PLCB4: variants seen among roughly 807,000 people sequenced by gnomAD.
PLCB4 encodes the protein 1-phosphatidylinositol 4,5-bisphosphate phosphodiesterase beta-4.
A neutral mutation model predicts 178.8 loss-of-function variants in PLCB4; 77 were observed. That is an observed-to-expected ratio of 0.43 (90% CI 0.36 to 0.52). The LOEUF is 0.52. Ranked by LOEUF, PLCB4 falls within the 20% of genes least tolerant of loss-of-function variation. The probability of loss-of-function intolerance (pLI) is 0.00; values close to 1 mark genes in which losing one functional copy is unlikely to be tolerated. For missense variants in PLCB4, 1,024 were observed against 1,453.4 expected, an observed-to-expected ratio of 0.70 and a Z score of 4.80; for synonymous variants, 496 against 490.8, an observed-to-expected ratio of 1.01 and a Z score of -0.14.
chr20:9,357,826 G>A (rs1307361444), intron 7 of PLCB4, among the ~76,000 whole-genome samples: 2 of 152,124 alleles, frequency 1.3e-5, no homozygotes, highest in Non-Finnish European at 2.9e-5. Context: ...CCCATATATT[G>A]TATTTTGTTG....
At chr20:9,328,361 C>G (rs1272039350) in intron 4 of PLCB4, among the ~76,000 whole-genome samples, 6 of 152,126 alleles carry the variant, frequency 3.9e-5, no homozygotes, top group African/African-American at 1.4e-4. Flanking sequence ...AAAAAAAATT[C>G]TTACAGAATT....
At position 9,098,466 on chromosome 20, in the gene PLCB4, C is replaced by T. The variant is rs561370685; in HGVS notation, c.-79+2124C>T. Among the ~76,000 whole-genome samples the T allele has an allele frequency of 3.0e-3, 451 of 151,918 alleles. 3 individuals are homozygous for T. The highest frequency in any genetic ancestry group is 5.1e-3 in the Non-Finnish European group (346 of 67,964). Reference sequence around the variant, plus strand: ...AAAATCCCTCTTGGGAATAAAAACTCACATATCTGCAAGGTCGCCAGACAG... The same window carrying T: ...AAAATCCCTCTTGGGAATAAAAACTTACATATCTGCAAGGTCGCCAGACAG... On this transcript the variant is annotated intron_variant, in intron 2 of 39. Coordinates refer to ENST00000378473, the MANE Select transcript of PLCB4 (RefSeq NM_001377142.1).
intron 3 of PLCB4, among the ~76,000 whole-genome samples, chr20:9,221,544 C>T (rs765599630): frequency 6.6e-6 from 1 of 152,174 alleles, no homozygotes; most frequent in African/African-American, 2.4e-5. Context: ...CTCACTCCTG[C>T]GGGCACATTT....
Position 9,081,936 on chromosome 20 carries a change from A to C in PLCB4, c.-135+12730A>C, listed in dbSNP as rs2090168885. ...TTCTATATCCATTATTTCTGGTAAC[A>C]GAAATCCTGATATTGTAATCAGTAT... On this transcript the variant is annotated intron_variant, in intron 1 of 39. Coordinates refer to ENST00000378473, the MANE Select transcript of PLCB4 (RefSeq NM_001377142.1). Among the ~76,000 whole-genome samples, 8 of 151,970 alleles carry C rather than the reference A, an allele frequency of 5.3e-5. No homozygotes were observed. In the South Asian group the frequency reaches 1.7e-3, roughly 32 times the overall value.
chr20:9,180,021 G>A (rs112738371), intron 2 of PLCB4, among the ~76,000 whole-genome samples: 7 of 152,296 alleles, frequency 4.6e-5, no homozygotes, highest in African/African-American at 1.7e-4. Context: ...ACACAAGCAT[G>A]TGCTGTGCTT....
At chr20:9,264,783 C>G (rs1187590020) in intron 3 of PLCB4, among the ~76,000 whole-genome samples, 1 of 152,142 alleles carries the variant, frequency 6.6e-6, no homozygotes, top group Non-Finnish European at 1.5e-5. Context: ...TCCTAGGACC[C>G]ATCTCCAGAG....
chr20:9,407,031 A>G (rs1463470678), intron 21 of PLCB4, among the ~76,000 whole-genome samples: 2 of 152,206 alleles, frequency 1.3e-5, no homozygotes, highest in African/African-American at 4.8e-5. Context: ...GCAGCAAGTT[A>G]TTAGGTTACT....
At chr20:9,419,150 A>G (rs947454819) in intron 25 of PLCB4, among the ~76,000 whole-genome samples, 2 of 151,982 alleles carry the variant, frequency 1.3e-5, no homozygotes, top group Non-Finnish European at 2.9e-5. Flanking sequence ...GATGCCTTTT[A>G]ATTTGTTTTC....
intron 3 of PLCB4, 73 bp from the exon 4 acceptor site, chr20:9,307,727 A>T: frequency 1.6e-6 from 1 of 607,986 alleles, no homozygotes; most frequent in Non-Finnish European, 2.9e-6. Flanking sequence ...AAACACAGAA[A>T]TGCGAAGTGA....
At chr20:9,432,146 A>G (rs1275518197) in intron 28 of PLCB4, among the ~76,000 whole-genome samples, 6 of 152,248 alleles carry the variant, frequency 3.9e-5, no homozygotes, top group Non-Finnish European at 8.8e-5. Flanking sequence ...ATCAATGAAA[A>G]TGCAGGTTAT....
intron 3 of PLCB4, among the ~76,000 whole-genome samples, chr20:9,291,909 G>A (rs2094583117): frequency 6.6e-6 from 1 of 152,070 alleles, no homozygotes; most frequent in Non-Finnish European, 1.5e-5. Context: ...AATATGCATG[G>A]TCTTAGGCTT....
chr20:9,324,014 A>G (rs2147979151), intron 4 of PLCB4, among the ~76,000 whole-genome samples: 1 of 152,136 alleles, frequency 6.6e-6, no homozygotes, highest in African/African-American at 2.4e-5. Context: ...ATTTGCCCTA[A>G]TGAATTGCTC....
At chr20:9,111,991 T>C (rs1182197878) in intron 2 of PLCB4, among the ~76,000 whole-genome samples, 1 of 152,192 alleles carries the variant, frequency 6.6e-6, no homozygotes, top group Non-Finnish European at 1.5e-5. Flanking sequence ...AAAATTTTTC[T>C]AAAATTAAAA....
At chr20:9,200,916 A>G (rs1340679658) in intron 2 of PLCB4, among the ~76,000 whole-genome samples, 1 of 152,090 alleles carries the variant, frequency 6.6e-6, no homozygotes, top group Admixed American at 6.5e-5. Flanking sequence ...TAAAATAACT[A>G]TTTTTCATGG....
chr20:9,348,487 C>T (rs1350373890), intron 7 of PLCB4, among the ~76,000 whole-genome samples: 1 of 152,036 alleles, frequency 6.6e-6, no homozygotes, highest in African/African-American at 2.4e-5. Flanking sequence ...CTCTGAGGAA[C>T]CTGTTAGTTG....
chr20:9,390,293 ATGAACT>A (rs2038035843), intron 16 of PLCB4, among the ~76,000 whole-genome samples: 2 of 152,342 alleles, frequency 1.3e-5, no homozygotes, highest in Middle Eastern at 3.4e-3. Context: ...ATCAGATTTG[ATGAACT>A]TGAAAGACAT....
At chr20:9,315,012 C>A (rs1349520488) in intron 4 of PLCB4, among the ~76,000 whole-genome samples, 1 of 152,090 alleles carries the variant, frequency 6.6e-6, no homozygotes, top group Non-Finnish European at 1.5e-5. Flanking sequence ...TCTGGGATTA[C>A]AAGCATGTGC....
chr20:9,418,711 G>C lies in PLCB4; in HGVS notation c.2052-1096G>C, dbSNP rs138592806. ...CTTGTCAGTTTCTACCAAAAAGTCA[G>C]CTGGGATTTTGATAGAGATTACACT... On this transcript the variant is annotated intron_variant, in intron 25 of 39. Coordinates refer to ENST00000378473, the MANE Select transcript of PLCB4 (RefSeq NM_001377142.1). Among the ~76,000 whole-genome samples, 191 of 152,228 alleles carry C rather than the reference G, an allele frequency of 1.3e-3. 3 individuals are homozygous for C. Among genetic ancestry groups the C allele is most frequent in the African/African-American group, 4.6e-3 (191 of 41,566 alleles).
chr20:9,149,192 A>T (rs547721557), intron 2 of PLCB4, among the ~76,000 whole-genome samples: 2 of 152,210 alleles, frequency 1.3e-5, no homozygotes, highest in African/African-American at 4.8e-5. Context: ...TGTCTCTTCC[A>T]ATCAGCTCTC....
Sources: gnomAD v4.1 joint callset for allele counts (sites outside exome capture counted in the v4.1 genomes callset) on GRCh38, gnomAD v4.1.1 for gene constraint, MANE v1.5 for transcripts, NCBI Gene and HGNC (gene_info 2026-07-23, HGNC 2026-07-21) for gene names.